FSCN2: variants seen among roughly 807,000 people sequenced by gnomAD.
FSCN2 encodes the protein fascin-2.
A neutral mutation model predicts 37.8 loss-of-function variants in FSCN2; 46 were observed. The observed-to-expected ratio is 1.22, with a 90% CI of 0.96 to 1.56. The LOEUF (loss-of-function observed/expected upper bound fraction) is 1.56, where lower values mean the gene tolerates loss of function less well. Ranked by LOEUF, FSCN2 falls within the 40% of genes most tolerant of loss-of-function variation. The pLI, the probability that FSCN2 is intolerant of heterozygous loss-of-function variation, is 0.00. For missense variants in FSCN2, 844 were observed against 730.4 expected (o/e 1.16, Z -1.79); for synonymous variants, 351 against 309.4 (o/e 1.13, Z -1.41).
the FSCN2 span, among the ~76,000 whole-genome samples, chr17:81,522,707 C>T: frequency 6.6e-6 from 1 of 152,224 alleles, no homozygotes; most frequent in Non-Finnish European, 1.5e-5. Flanking sequence ...GAGGCCGCCA[C>T]CTGCAGACCT....
At chr17:81,518,894 CT>C in the FSCN2 span, 1 of 152,294 alleles carries the variant, frequency 6.6e-6, no homozygotes, top group Non-Finnish European at 1.5e-5. Context: ...GTCCTAAGGG[CT>C]GCCTCTTGTC....
In FSCN2 at chr17:81,537,038, C is replaced by G. The variant is rs759804681; in HGVS notation, c.1437C>G (p.Ala479=). The G allele has an allele frequency of 4.7e-6, 7 of 1,478,854 alleles. No homozygotes were observed. The highest frequency in any genetic ancestry group is 2.9e-5 in the African/African-American group (2 of 67,944). 91.6% of individuals were successfully genotyped at this position (1,478,854 alleles called of 1,614,324 possible). The change falls in exon 5 of 5, where the codon GCC becomes GCG. Residue 479 remains alanine, a synonymous_variant. Coordinates refer to ENST00000417245, the MANE Select transcript of FSCN2 (RefSeq NM_012418.4). The stretch of plus-strand genomic sequence containing the variant: ...GCGGCGCCTCGGGCCTGCTGCGGGC[C>G]GATGCCGACGCCCCGGCCGGGACCG... ...LRGGASGLLR[A]DADAPAGTAL...
At chr17:81,530,915 G>GA (rs367976280) in intron 1 of FSCN2, among the ~76,000 whole-genome samples, 3 of 152,048 alleles carry the variant, frequency 2.0e-5, no homozygotes, top group South Asian at 2.1e-4. Context: ...CCCAGGCCGG[G>GA]CATGTGGCAA....
At chr17:81,524,359 C>T (rs75269513), upstream of FSCN2, among the ~76,000 whole-genome samples, 8 of 152,318 alleles carry the variant, frequency 5.3e-5, no homozygotes, top group East Asian at 1.5e-3. Flanking sequence ...GTACTGCTAC[C>T]CCAAACAGCC....
chr17:81,532,458 G>A (rs527877162), intron 1 of FSCN2, among the ~76,000 whole-genome samples: 29,562 of 135,180 alleles, frequency 0.22, 3,847 homozygotes, highest in Non-Finnish European at 0.27. Context: ...GGTGATGGTG[G>A]TGGTGATGGT....
At chr17:81,531,171 GTGATGGTGATGA>G (rs2032538424) in intron 1 of FSCN2, among the ~76,000 whole-genome samples, 1 of 146,576 alleles carries the variant, frequency 6.8e-6, no homozygotes, top group South Asian at 2.2e-4. Context: ...GATGATGGTG[GTGATGGTGATGA>G]TGGTGGTGAT....
chr17:81,536,563 C>T, intron 3 of FSCN2, 59 bp from the exon 4 acceptor site: 2 of 1,595,362 alleles, frequency 1.3e-6, no homozygotes, highest in African/African-American at 1.3e-5. Flanking sequence ...CCCCACCCCG[C>T]CCGGCCTGGA....
intron 1 of FSCN2, among the ~76,000 whole-genome samples, chr17:81,529,812 T>C (rs1259282988): frequency 6.6e-6 from 1 of 151,124 alleles, no homozygotes; most frequent in Non-Finnish European, 1.5e-5. Context: ...GGACTTCATT[T>C]ATTTATTTAT....
intron 3 of FSCN2, 38 bp downstream of exon 3, chr17:81,536,305 G>C (rs2032875492): frequency 6.4e-7 from 1 of 1,574,102 alleles, no homozygotes. Flanking sequence ...GGCAGGGGCT[G>C]TCTCCACCCA....
At chr17:81,534,983 A>C in intron 1 of FSCN2, 69 bp from the exon 2 acceptor site, 1 of 1,272,160 alleles carries the variant, frequency 7.9e-7, no homozygotes, top group East Asian at 2.7e-5. Flanking sequence ...GGTGCCCCCC[A>C]AAATATGCCC....
intron 1 of FSCN2, chr17:81,529,743 G>A (rs1352261113): frequency 1.5e-5 from 7 of 477,746 alleles, no homozygotes; most frequent in African/African-American, 7.8e-5. Context: ...TGAGGGGCAT[G>A]TGGGCAGGAG....
chr17:81,537,048 G>T lies in FSCN2; in HGVS notation c.1447G>T (p.Ala483Ser). ...GGGCCTGCTGCGGGCCGATGCCGAC[G>T]CCCCGGCCGGGACCGCGCTTTGGGA... is the stretch of plus-strand genomic sequence containing the variant. The part of the protein sequence containing the change: ...ASGLLRADAD[A>S]PAGTALWEY The change falls in exon 5 of 5, where the codon GCC becomes TCC. Residue 483 changes from alanine (A) to serine (S), a missense_variant. Transcript: ENST00000417245. The T allele has an allele frequency of 6.8e-7, 1 of 1,469,656 alleles. No individual in the cohort carries two copies. Among genetic ancestry groups the T allele is most frequent in the Non-Finnish European group, 8.9e-7 (1 of 1,117,674 alleles). 91.0% of individuals were successfully genotyped at this position (1,469,656 alleles called of 1,614,324 possible).
At chr17:81,532,518 ATGG>A (rs1255833126) in intron 1 of FSCN2, among the ~76,000 whole-genome samples, 1,331 of 30,608 alleles carry the variant, frequency 0.043, 65 homozygotes, top group African/African-American at 0.24. Context: ...AATGGTGACG[ATGG>A]TGATGATGAT....
chr17:81,526,285 C>T (rs2032347454), upstream of FSCN2, among the ~76,000 whole-genome samples: 2 of 152,232 alleles, frequency 1.3e-5, no homozygotes, highest in Admixed American at 1.3e-4. Flanking sequence ...ATGGGCACAG[C>T]TGCCCCTCCG....
At chr17:81,530,987 G>C (rs1163054187) in intron 1 of FSCN2, among the ~76,000 whole-genome samples, 1 of 152,258 alleles carries the variant, frequency 6.6e-6, no homozygotes, top group Non-Finnish European at 1.5e-5. Context: ...CTCCATGGAA[G>C]CCAAAGACAC....
At chr17:81,532,388 GATGATGGTGATGATA>G (rs2032707087) in intron 1 of FSCN2, among the ~76,000 whole-genome samples, 2 of 131,076 alleles carry the variant, frequency 1.5e-5, no homozygotes, top group Admixed American at 7.3e-5. Context: ...TAGTGATGGC[GATGATGGTGATGATA>G]GTGATGGTGA....
rs1555670471 is a variant in FSCN2 at position 81,528,520 on chromosome 17, G to A, written c.-12G>A. On this transcript the variant is annotated 5_prime_UTR_variant, in exon 1 of 5. Coordinates refer to ENST00000417245, the MANE Select transcript of FSCN2 (RefSeq NM_012418.4). The stretch of plus-strand genomic sequence containing the variant: ...CATCCCAGGCCCCTCCGGGGACCCG[G>A]CCAGCCTGAAGATGCCGACGAACGG... The A allele has an allele frequency of 1.3e-6, 2 of 1,574,276 alleles. No homozygotes were observed. The highest frequency in any genetic ancestry group is 1.7e-6 in the Non-Finnish European group (2 of 1,159,122).
At chr17:81,533,430 C>T (rs939705827) in intron 1 of FSCN2, among the ~76,000 whole-genome samples, 3 of 152,286 alleles carry the variant, frequency 2.0e-5, no homozygotes, top group East Asian at 1.9e-4. Flanking sequence ...GCAGCTTCCC[C>T]GGAGTCCTCC....
chr17:81,533,778 G>A lies in FSCN2; in HGVS notation c.827-1274G>A, dbSNP rs1318752215. Among the ~76,000 whole-genome samples, 8 of 152,344 alleles carry A rather than the reference G, an allele frequency of 5.3e-5. No homozygotes were observed. In the East Asian group the frequency reaches 1.4e-3, roughly 26 times the overall value. Reference sequence around the variant, plus strand: ...GCCATGTCCCCGGAAGCAGGTGGCTGAATGAGTAGCCCCAGACAGCATCCT... The same window carrying A: ...GCCATGTCCCCGGAAGCAGGTGGCTAAATGAGTAGCCCCAGACAGCATCCT... On this transcript the variant is annotated intron_variant, in intron 1 of 4. Transcript: ENST00000417245.
Sources: allele counts gnomAD v4.1 joint callset (sites outside exome capture counted in the v4.1 genomes callset), GRCh38; gene constraint gnomAD v4.1.1; transcripts MANE v1.5; gene names NCBI Gene and HGNC (gene_info 2026-07-23, HGNC 2026-07-21).